Variants in ZSWIM7 observed in about 807,000 individuals in gnomAD.
ZSWIM7 encodes the protein zinc finger SWIM-type containing 7.
A neutral mutation model predicts 21.1 loss-of-function variants in ZSWIM7; 22 were observed. The observed-to-expected ratio is 1.04, with a 90% CI of 0.74 to 1.49. The LOEUF (loss-of-function observed/expected upper bound fraction) is 1.49. Ranked by LOEUF, ZSWIM7 falls within the 40% of genes most tolerant of loss-of-function variation. ZSWIM7 has a pLI of 0.00. For missense variants in ZSWIM7, 193 were observed against 168.0 expected (o/e 1.15, Z -0.82); for synonymous variants, 67 against 66.5 (o/e 1.01, Z -0.04).
intron 3 of ZSWIM7, among the ~76,000 whole-genome samples, chr17:15,983,614 T>TTTCATTTTGTTGCCCAGGCTGGAGTGC (rs1970380287): frequency 6.6e-6 from 1 of 151,814 alleles, no homozygotes; most frequent in East Asian, 1.9e-4. Context: ...TGAGACAGAG[T>TTTCATTTTGTTGCCCAGGCTGGAGTGC]TTCATTTTGT....
In ZSWIM7 at chr17:15,978,075, A is replaced by G; in HGVS notation, c.395T>C (p.Leu132Ser). The change falls in exon 5 of 5, where the codon TTA becomes TCA. Residue 132 changes from leucine (L) to serine (S), a missense_variant. Leu to Ser is a moderately radical substitution (Grantham distance 145). Coordinates refer to ENST00000399277, the MANE Select transcript of ZSWIM7 (RefSeq NM_001042697.2). ...TGCTTCTTGTTTCTTCTCCATCAAT[A>G]ATATGTCAGTCAACTGCTTGTCAGA... ...SVSDKQLTDI[L>S]LMEKKQEA 6.2e-7 allele frequency: 1 copy of G among 1,614,030 alleles called. No individual in the cohort carries two copies. The highest frequency in any genetic ancestry group is 8.5e-7 in the Non-Finnish European group (1 of 1,179,894).
At chr17:15,992,416 C>T (rs1462362206) in intron 2 of ZSWIM7, among the ~76,000 whole-genome samples, 2 of 146,048 alleles carry the variant, frequency 1.4e-5, no homozygotes, top group Admixed American at 6.8e-5. Flanking sequence ...ATTTCTTTTT[C>T]ATGTGTTAGT....
intron 2 of ZSWIM7, among the ~76,000 whole-genome samples, chr17:15,988,608 A>G (rs1356439085): frequency 6.6e-6 from 1 of 152,068 alleles, no homozygotes; most frequent in East Asian, 1.9e-4. Flanking sequence ...TGAGTCCAGG[A>G]GTTCAAGACC....
intron 2 of ZSWIM7, among the ~76,000 whole-genome samples, chr17:15,991,504 T>G (rs1970481849): frequency 6.6e-6 from 1 of 152,218 alleles, no homozygotes; most frequent in Non-Finnish European, 1.5e-5. Flanking sequence ...GTCAACTTCT[T>G]TTCTGTGGTC....
At chr17:15,996,957 G>C (rs1385441825) in intron 1 of ZSWIM7, among the ~76,000 whole-genome samples, 1 of 151,910 alleles carries the variant, frequency 6.6e-6, no homozygotes. Context: ...TCCAGACTTC[G>C]AGTCCAGCCT....
chr17:15,993,739 A>C lies in ZSWIM7; in HGVS notation c.98+18T>G. The stretch of plus-strand genomic sequence containing the variant: ...TAATGGTTAAAAAAAAATCAAATAC[A>C]ACAGTATATGTACTTACGATAACAG... On this transcript the variant is annotated intron_variant, in intron 2 of 4. Coordinates refer to ENST00000399277, the MANE Select transcript of ZSWIM7 (RefSeq NM_001042697.2). 6.9e-7 allele frequency: 1 copy of C among 1,454,250 alleles called. No homozygotes were observed. Among genetic ancestry groups the C allele is most frequent in the Non-Finnish European group, 9.5e-7 (1 of 1,055,764 alleles). 90.1% of individuals were successfully genotyped at this position (1,454,250 alleles called of 1,614,324 possible).
rs565171155 is a variant in ZSWIM7 at position 15,977,143 on chromosome 17, C to T, written c.*904G>A. 1.2e-4 allele frequency: 18 copies of T among 152,158 alleles called. No individual in the cohort carries two copies. Among genetic ancestry groups the T allele is most frequent in the African/African-American group, 2.9e-4 (12 of 41,500 alleles). The allele number at this position is 152,158 out of a possible 1,614,324, so 9.4% of individuals were successfully genotyped here. On this transcript the variant is annotated 3_prime_UTR_variant, in exon 5 of 5. Coordinates refer to ENST00000399277, the MANE Select transcript of ZSWIM7 (RefSeq NM_001042697.2). ...GTGAAACCAGTTCTTCCCTTGTTCT[C>T]GATACTAACTCTCAAACAATACAGT...
chr17:15,997,936 T>C (rs1970580149), intron 1 of ZSWIM7, among the ~76,000 whole-genome samples: 1 of 151,988 alleles, frequency 6.6e-6, no homozygotes, highest in Non-Finnish European at 1.5e-5. Flanking sequence ...CCCCGTCTCT[T>C]CTAAAAATAC....
intron 3 of ZSWIM7, 40 bp from the exon 4 acceptor site, chr17:15,981,184 C>A: frequency 6.8e-7 from 1 of 1,469,974 alleles, no homozygotes; most frequent in Non-Finnish European, 9.4e-7. Flanking sequence ...CTCAGATGTG[C>A]TGGAAAAACC....
chr17:15,989,921 T>C (rs1279036229), intron 2 of ZSWIM7, among the ~76,000 whole-genome samples: 1 of 152,116 alleles, frequency 6.6e-6, no homozygotes, highest in East Asian at 1.9e-4. Context: ...ATTTAATTTT[T>C]TGAAAAGGCA....
At chr17:15,999,307 T>C (rs1247483356) in intron 1 of ZSWIM7, 3 of 689,708 alleles carry the variant, frequency 4.3e-6, no homozygotes, top group African/African-American at 1.8e-5. Context: ...GTACCGTAAA[T>C]ATTTGCTGAA....
intron 3 of ZSWIM7, among the ~76,000 whole-genome samples, chr17:15,986,563 C>T (rs1257452396): frequency 6.6e-6 from 1 of 151,700 alleles, no homozygotes; most frequent in Non-Finnish European, 1.5e-5. Context: ...GAGTTCAAGA[C>T]CAGCTTGGGC....
intron 3 of ZSWIM7, among the ~76,000 whole-genome samples, chr17:15,984,963 C>T (rs767135954): frequency 8.5e-5 from 13 of 152,152 alleles, no homozygotes; most frequent in Admixed American, 1.3e-4. Context: ...CACAGCATAA[C>T]TTAGCCTCTC....
At chr17:15,985,520 C>T (rs956149244) in intron 3 of ZSWIM7, among the ~76,000 whole-genome samples, 1 of 152,234 alleles carries the variant, frequency 6.6e-6, no homozygotes, top group Non-Finnish European at 1.5e-5. Context: ...CAAATTCTTA[C>T]TATATTACCA....
intron 1 of ZSWIM7, among the ~76,000 whole-genome samples, chr17:15,997,191 G>T (rs957112300): frequency 6.7e-6 from 1 of 149,790 alleles, no homozygotes; most frequent in Non-Finnish European, 1.5e-5. Flanking sequence ...CTGAGAAAAA[G>T]AAAACTGTAG....
intron 3 of ZSWIM7, among the ~76,000 whole-genome samples, chr17:15,985,780 T>C (rs1455471336): frequency 1.3e-5 from 2 of 152,204 alleles, no homozygotes; most frequent in Non-Finnish European, 2.9e-5. Context: ...CCAGGTCAAG[T>C]ATTGTGCCCA....
chr17:15,987,429 G>A, intron 2 of ZSWIM7, 61 bp from the exon 3 acceptor site: 3 of 1,368,224 alleles, frequency 2.2e-6, no homozygotes, highest in Non-Finnish European at 3.1e-6. Context: ...TCAGTAACTT[G>A]CCCAAAGGAT....
At chr17:15,988,674 A>G (rs1232346436) in intron 2 of ZSWIM7, among the ~76,000 whole-genome samples, 1 of 151,972 alleles carries the variant, frequency 6.6e-6, no homozygotes, top group African/African-American at 2.4e-5. Context: ...AAAAAAAACT[A>G]AAACACACAA....
At chr17:15,978,268 G>T in intron 4 of ZSWIM7, 105 bp from the exon 5 acceptor site, 1 of 819,888 alleles carries the variant, frequency 1.2e-6, no homozygotes, top group Non-Finnish European at 2.1e-6. Flanking sequence ...GAAGACTAGA[G>T]CATACAGATT....
Sources: gnomAD v4.1 joint callset for allele counts (sites outside exome capture counted in the v4.1 genomes callset) on GRCh38, gnomAD v4.1.1 for gene constraint, MANE v1.5 for transcripts, NCBI Gene and HGNC (gene_info 2026-07-23, HGNC 2026-07-21) for gene names.